The following LIPC variants were observed in gnomAD, a reference collection of about 807,000 sequenced individuals.
LIPC encodes the protein lipase C, hepatic type, also known as hepatic triacylglycerol lipase.
In LIPC, 44 loss-of-function variants were observed where a neutral mutation model predicts 50.7. The ratio of observed to expected loss-of-function variants is 0.87; its 90% confidence interval spans 0.68 to 1.11. The LOEUF (loss-of-function observed/expected upper bound fraction) is 1.11. Ranked by LOEUF, LIPC falls within the 50% of genes most tolerant of loss-of-function variation. The probability of loss-of-function intolerance (pLI) is 0.00; values close to 1 mark genes in which losing one functional copy is unlikely to be tolerated. For synonymous variants in LIPC, 271 were observed against 256.4 expected (o/e 1.06, Z -0.54); for missense variants, 697 against 648.2 (o/e 1.08, Z -0.82).
intron 1 of LIPC, among the ~76,000 whole-genome samples, chr15:58,536,614 G>A (rs571997340): frequency 1.2e-4 from 18 of 152,280 alleles, no homozygotes; most frequent in South Asian, 2.1e-4. Flanking sequence ...AGACAGGAGG[G>A]CAGCCAGTGA....
rs190603621 is a variant in LIPC at position 58,475,802 on chromosome 15, T to A, written c.88+43682T>A. On this transcript the variant is annotated intron_variant, in intron 1 of 8. Transcript: ENST00000299022. ...ATGGAAGCAGCAGCTCAGGGCAGGGTCCAGACTTGGGCAGACTTAACTATG... is the reference window on the plus strand; with the variant it reads ...ATGGAAGCAGCAGCTCAGGGCAGGGACCAGACTTGGGCAGACTTAACTATG... Among the ~76,000 whole-genome samples the A allele has an allele frequency of 4.6e-3, 700 of 152,262 alleles. 6 individuals are homozygous for A. Among genetic ancestry groups the A allele is most frequent in the African/African-American group, 0.016 (670 of 41,538 alleles).
intron 1 of LIPC, among the ~76,000 whole-genome samples, chr15:58,433,922 A>T (rs975399720): frequency 6.6e-6 from 1 of 152,314 alleles, no homozygotes; most frequent in East Asian, 1.9e-4. Flanking sequence ...ATCTGTGTGC[A>T]TGTGGCTGGT....
At chr15:58,484,586 G>A (rs1169772716) in intron 1 of LIPC, among the ~76,000 whole-genome samples, 1 of 152,246 alleles carries the variant, frequency 6.6e-6, no homozygotes, top group Non-Finnish European at 1.5e-5. Context: ...CTTTGGTACT[G>A]TGGGGAAACT....
chr15:58,442,308 G>A (rs1032630618), intron 1 of LIPC, among the ~76,000 whole-genome samples: 3 of 152,156 alleles, frequency 2.0e-5, no homozygotes, highest in Non-Finnish European at 2.9e-5. Context: ...TTTTAAGCAT[G>A]TGACCTTTTA....
chr15:58,555,923 T>A (rs1484742685), intron 6 of LIPC, among the ~76,000 whole-genome samples: 1 of 152,062 alleles, frequency 6.6e-6, no homozygotes, highest in Non-Finnish European at 1.5e-5. Context: ...CTAGTGCCTC[T>A]CCCTCCAGTG....
chr15:58,538,538 G>A (rs770029099), intron 2 of LIPC, 21 bp downstream of exon 2: 27 of 1,609,958 alleles, frequency 1.7e-5, no homozygotes, highest in South Asian at 5.5e-5. Flanking sequence ...CTGACATGCC[G>A]TTTTTCTCTC....
At position 58,545,952 on chromosome 15, in the gene LIPC, A is replaced by G; in HGVS notation, c.785A>G (p.His262Arg). The G allele has an allele frequency of 6.2e-7, 1 of 1,613,890 alleles. No individual in the cohort carries two copies. Among genetic ancestry groups the G allele is most frequent in the Non-Finnish European group, 8.5e-7 (1 of 1,179,768 alleles). ...PGCHFLELYR[H>R]IAQHGFNAIT... Reference sequence around the variant, plus strand: ...TGCCACTTCCTAGAGCTCTACAGACATATTGCCCAGCACGGCTTCAATGGT... The same window carrying G: ...TGCCACTTCCTAGAGCTCTACAGACGTATTGCCCAGCACGGCTTCAATGGT... Residue 262 changes from histidine (H) to arginine (R), a missense_variant, in exon 5 of 9, where the codon CAT (histidine) becomes CGT (arginine). Transcript: ENST00000299022.
chr15:58,476,902 G>A (rs1458523637), intron 1 of LIPC, among the ~76,000 whole-genome samples: 5 of 152,284 alleles, frequency 3.3e-5, no homozygotes, highest in Admixed American at 6.5e-5. Context: ...CGTTTCTGTC[G>A]GATTGCCCTG....
intron 1 of LIPC, among the ~76,000 whole-genome samples, chr15:58,468,128 G>A (rs1337473760): frequency 3.9e-5 from 6 of 152,176 alleles, no homozygotes; most frequent in African/African-American, 1.2e-4. Flanking sequence ...AGGCAAAGCA[G>A]CTAATATTAC....
At chr15:58,520,693 C>T (rs1409470190) in intron 1 of LIPC, among the ~76,000 whole-genome samples, 1 of 152,202 alleles carries the variant, frequency 6.6e-6, no homozygotes, top group Non-Finnish European at 1.5e-5. Context: ...TGTATACCAT[C>T]TGCCCCTTCT....
intron 1 of LIPC, among the ~76,000 whole-genome samples, chr15:58,437,572 G>T (rs1309783896): frequency 2.0e-5 from 3 of 152,110 alleles, no homozygotes; most frequent in Non-Finnish European, 4.4e-5. Context: ...ATCAGCTACA[G>T]TTAGATTGGT....
intron 1 of LIPC, among the ~76,000 whole-genome samples, chr15:58,518,198 T>C (rs1021275874): frequency 6.6e-6 from 1 of 152,236 alleles, no homozygotes; most frequent in Admixed American, 6.5e-5. Context: ...CCTTGCCCCC[T>C]GTTTTGACAA....
Position 58,563,560 on chromosome 15 carries a change from G to A in LIPC, c.1225G>A (p.Asp409Asn). The A allele has an allele frequency of 1.2e-6, 2 of 1,614,192 alleles. No homozygotes were observed. The highest frequency in any genetic ancestry group is 1.7e-6 in the Non-Finnish European group (2 of 1,180,028). ...TYSFLITLDV[D>N]IGELIMIKFK... ...TTCCTTTCTTATCACGCTGGATGTGGATATCGGCGAGCTGATCATGATCAA... is the reference window on the plus strand; with the variant it reads ...TTCCTTTCTTATCACGCTGGATGTGAATATCGGCGAGCTGATCATGATCAA... Residue 409 changes from aspartate to asparagine, a missense_variant, in exon 8 of 9, where the codon GAT becomes AAT. By Grantham distance (23) the Asp-to-Asn change is conservative (BLOSUM62 1). Transcript: ENST00000299022.
rs150743366 is a variant in LIPC at position 58,489,543 on chromosome 15, G to A, written c.89-48790G>A. On this transcript the variant is annotated intron_variant, in intron 1 of 8. Transcript: ENST00000299022. ...CCTTGTGCACTCAGTTGGCCTCTGG[G>A]TGGGGGCCCCAAGACTGGCTGAGTC... Among the ~76,000 whole-genome samples, 467 of 152,270 alleles carry A rather than the reference G, an allele frequency of 3.1e-3. 3 individuals carry two copies. Among genetic ancestry groups the A allele is most frequent in the African/African-American group, 0.01 (429 of 41,568 alleles).
At chr15:58,567,292 T>TAC (rs1566955050) in intron 8 of LIPC, among the ~76,000 whole-genome samples, 3 of 60,008 alleles carry the variant, frequency 5.0e-5, no homozygotes, top group African/African-American at 1.9e-4. Context: ...TATATATATA[T>TAC]ACATATATAT....
chr15:58,486,329 G>A (rs1189458156), intron 1 of LIPC, among the ~76,000 whole-genome samples: 2 of 152,162 alleles, frequency 1.3e-5, no homozygotes, highest in African/African-American at 4.8e-5. Flanking sequence ...GTTCTGGTTT[G>A]TGGGACTTTG....
At chr15:58,460,407 G>A (rs1441314855) in intron 1 of LIPC, among the ~76,000 whole-genome samples, 1 of 152,168 alleles carries the variant, frequency 6.6e-6, no homozygotes, top group Non-Finnish European at 1.5e-5. Context: ...GGCAGGGTGG[G>A]CACAGTTAAG....
intron 1 of LIPC, among the ~76,000 whole-genome samples, chr15:58,461,928 G>A (rs1166152877): frequency 7.0e-5 from 5 of 71,840 alleles, no homozygotes; most frequent in Admixed American, 6.0e-4. Flanking sequence ...CTGTCCCCCC[G>A]CCCCCACATC....
At chr15:58,528,606 G>A (rs1356396432) in intron 1 of LIPC, among the ~76,000 whole-genome samples, 1 of 152,118 alleles carries the variant, frequency 6.6e-6, no homozygotes, top group Admixed American at 6.5e-5. Context: ...CCTCGCTCAG[G>A]TGATCCTCCC....
Sources: gnomAD v4.1 joint callset for allele counts (sites outside exome capture counted in the v4.1 genomes callset) on GRCh38, gnomAD v4.1.1 for gene constraint, MANE v1.5 for transcripts, NCBI Gene and HGNC (gene_info 2026-07-23, HGNC 2026-07-21) for gene names.